ME1: variants seen among roughly 807,000 people sequenced by gnomAD.
The protein encoded by ME1 is NADP-dependent malic enzyme.
A neutral mutation model predicts 66.4 loss-of-function variants in ME1; 74 were observed. That is an observed-to-expected ratio of 1.11 (90% CI 0.92 to 1.35). The LOEUF is 1.35. ME1 is among the 40% of genes most tolerant of loss of function. ME1 has a pLI of 0.00. For missense variants in ME1, 750 were observed against 694.1 expected (o/e 1.08, Z -0.90); for synonymous variants, 251 against 235.6 (o/e 1.07, Z -0.60).
intron 13 of ME1, 115 bp downstream of exon 13, chr6:83,216,383 A>G: frequency 2.6e-6 from 2 of 765,610 alleles, no homozygotes; most frequent in South Asian, 1.5e-5. Context: ...GACTTCTGAC[A>G]TAGTAAGTTG....
chr6:83,278,325 A>G (rs1377837745), intron 6 of ME1, among the ~76,000 whole-genome samples: 1 of 152,218 alleles, frequency 6.6e-6, no homozygotes, highest in Non-Finnish European at 1.5e-5. Flanking sequence ...GGGCCTCCAC[A>G]CTTTCATAAG....
At chr6:83,360,513 G>A (rs1174346183) in intron 3 of ME1, among the ~76,000 whole-genome samples, 1 of 152,124 alleles carries the variant, frequency 6.6e-6, no homozygotes, top group Non-Finnish European at 1.5e-5. Context: ...ATGCATAATT[G>A]GCATAGACAT....
At chr6:83,401,497 T>C (rs1462060612) in intron 2 of ME1, among the ~76,000 whole-genome samples, 2 of 152,242 alleles carry the variant, frequency 1.3e-5, no homozygotes, top group Admixed American at 1.3e-4. Flanking sequence ...TCTTAGCAGG[T>C]AGCTGATAAA....
At position 83,430,998 on chromosome 6, in the gene ME1, G is replaced by C; in HGVS notation, c.-44C>G. ...CGGCGGGGTCAGGCCGGGGCGGGCC[G>C]CACGCGCGGTGCAGGCGGCGGATGC... On this transcript the variant is annotated 5_prime_UTR_variant, in exon 1 of 14. Transcript: ENST00000369705. 7.7e-7 allele frequency: 1 copy of C among 1,300,630 alleles called. No homozygotes were observed. The highest frequency in any genetic ancestry group is 1.0e-6 in the Non-Finnish European group (1 of 979,872). 80.6% of individuals were successfully genotyped at this position (1,300,630 alleles called of 1,614,324 possible).
intron 6 of ME1, among the ~76,000 whole-genome samples, chr6:83,315,054 T>C (rs1258138136): frequency 6.6e-6 from 1 of 152,176 alleles, no homozygotes; most frequent in Admixed American, 6.5e-5. Context: ...ATCATGCATT[T>C]CAACAGCCAC....
intron 1 of ME1, among the ~76,000 whole-genome samples, chr6:83,420,207 A>G (rs1414778128): frequency 6.6e-6 from 1 of 152,010 alleles, no homozygotes; most frequent in Non-Finnish European, 1.5e-5. Flanking sequence ...AGCTGGGACT[A>G]CAGGCGCCCA....
intron 3 of ME1, among the ~76,000 whole-genome samples, chr6:83,357,073 C>T (rs2128545250): frequency 6.6e-6 from 1 of 152,252 alleles, no homozygotes; most frequent in Non-Finnish European, 1.5e-5. Context: ...TATAGAATGT[C>T]CCTCTATTTG....
chr6:83,398,267 T>C, intron 3 of ME1, 100 bp downstream of exon 3: 6 of 830,742 alleles, frequency 7.2e-6, no homozygotes, highest in Non-Finnish European at 1.1e-5. Context: ...TGCAATTTTA[T>C]TGTCAAATTT....
chr6:83,373,347 T>C (rs1451312779), intron 3 of ME1, among the ~76,000 whole-genome samples: 2 of 152,118 alleles, frequency 1.3e-5, no homozygotes, highest in Non-Finnish European at 2.9e-5. Context: ...GCGATGCTCC[T>C]GCCTCAGCCT....
chr6:83,231,192 T>C (rs553994369), intron 9 of ME1, among the ~76,000 whole-genome samples: 5 of 152,024 alleles, frequency 3.3e-5, no homozygotes, highest in African/African-American at 9.7e-5. Flanking sequence ...AAAAGACAGA[T>C]GAATAATGTA....
At chr6:83,301,992 C>G (rs1767729586) in intron 6 of ME1, among the ~76,000 whole-genome samples, 1 of 152,098 alleles carries the variant, frequency 6.6e-6, no homozygotes, top group Non-Finnish European at 1.5e-5. Context: ...AAGACACATG[C>G]ACATGCACAC....
intron 5 of ME1, among the ~76,000 whole-genome samples, chr6:83,344,002 G>A (rs1171233679): frequency 1.3e-5 from 2 of 150,814 alleles, no homozygotes; most frequent in East Asian, 3.9e-4. Flanking sequence ...AAATGGCCAA[G>A]GTTTAAAACT....
At chr6:83,312,475 G>A (rs998764945) in intron 6 of ME1, among the ~76,000 whole-genome samples, 1 of 152,102 alleles carries the variant, frequency 6.6e-6, no homozygotes, top group Non-Finnish European at 1.5e-5. Flanking sequence ...GGAGAAGACC[G>A]AGAGGAAGAA....
At chr6:83,281,504 G>A (rs1056021335) in intron 6 of ME1, among the ~76,000 whole-genome samples, 4 of 152,006 alleles carry the variant, frequency 2.6e-5, no homozygotes, top group African/African-American at 9.7e-5. Flanking sequence ...AGGCAAGGCT[G>A]AAAATCAACA....
intron 8 of ME1, 44 bp downstream of exon 8, chr6:83,239,495 A>G: frequency 7.6e-7 from 1 of 1,307,412 alleles, no homozygotes; most frequent in Non-Finnish European, 1.1e-6. Flanking sequence ...AACACTAATT[A>G]TATGTTAGTT....
At chr6:83,352,174 C>CA (rs1554269955) in intron 3 of ME1, 35 bp from the exon 4 acceptor site, 3 of 1,315,844 alleles carry the variant, frequency 2.3e-6, no homozygotes, top group Non-Finnish European at 3.0e-6. Flanking sequence ...GAGTAGTTTA[C>CA]ATTTACTTCA....
chr6:83,367,924 C>T (rs184926809), intron 3 of ME1, among the ~76,000 whole-genome samples: 2 of 152,288 alleles, frequency 1.3e-5, no homozygotes, highest in African/African-American at 4.8e-5. Context: ...TGCAGCTTGC[C>T]TTCCTCACTA....
At chr6:83,216,395 TAC>T in intron 13 of ME1, 101 bp downstream of exon 13, 1 of 819,096 alleles carries the variant, frequency 1.2e-6, no homozygotes, top group Non-Finnish European at 2.0e-6. Flanking sequence ...AGTAAGTTGA[TAC>T]AGATATACAT....
intron 12 of ME1, among the ~76,000 whole-genome samples, chr6:83,218,577 C>T (rs1170883021): frequency 2.0e-5 from 3 of 152,150 alleles, no homozygotes; most frequent in Non-Finnish European, 2.9e-5. Context: ...CAGAGGAGGC[C>T]TCTGCATCCC....
Sources: allele counts gnomAD v4.1 joint callset (sites outside exome capture counted in the v4.1 genomes callset), GRCh38; gene constraint gnomAD v4.1.1; transcripts MANE v1.5; gene names NCBI Gene and HGNC (gene_info 2026-07-23, HGNC 2026-07-21).